The following SPMIP11 variants were observed in gnomAD, a reference collection of about 807,000 sequenced individuals.
SPMIP11 encodes the protein long intergenic non-protein coding RNA 935.
chr12:48,740,702 C>T, the SPMIP11 span, among the ~76,000 whole-genome samples: 4 of 150,712 alleles, frequency 2.7e-5, no homozygotes, highest in Non-Finnish European at 3.0e-5. Flanking sequence ...GCCTGGCCAA[C>T]GTGGTGAAAC....
the SPMIP11 span, among the ~76,000 whole-genome samples, chr12:48,752,757 C>G: frequency 6.6e-6 from 1 of 151,172 alleles, no homozygotes; most frequent in Non-Finnish European, 1.5e-5. Flanking sequence ...CTGCAACCTC[C>G]GCCTCCCGGG....
the SPMIP11 span, among the ~76,000 whole-genome samples, chr12:48,757,727 C>T: frequency 6.6e-6 from 1 of 151,228 alleles, no homozygotes; most frequent in East Asian, 1.9e-4. Context: ...GGTGCAGTGG[C>T]TCACGCCTGT....
the SPMIP11 span, among the ~76,000 whole-genome samples, chr12:48,769,665 C>T: frequency 3.3e-5 from 5 of 150,812 alleles, no homozygotes; most frequent in African/African-American, 4.9e-5. Context: ...CAGCTCACTG[C>T]AACCTCTGCC....
the SPMIP11 span, among the ~76,000 whole-genome samples, chr12:48,736,699 G>GTTT: frequency 2.1e-5 from 3 of 144,358 alleles, no homozygotes; most frequent in African/African-American, 5.0e-5. Context: ...TGGGTCGCAT[G>GTTT]TTTTTTTTTT....
At chr12:48,771,207 C>A in the SPMIP11 span, 2 of 571,668 alleles carry the variant, frequency 3.5e-6, no homozygotes, top group Non-Finnish European at 6.3e-6. This position sits in a 1 kb window ranked among gnomAD's most constrained non-coding sequence, Gnocchi z 4.3. Context: ...ACTCACAGAA[C>A]ACAGACCCAC....
At chr12:48,771,414 A>G in the SPMIP11 span, 1 of 541,606 alleles carries the variant, frequency 1.8e-6, no homozygotes, top group Admixed American at 3.1e-5. The surrounding 1 kb of genome is among the most constrained non-coding windows in gnomAD (Gnocchi z 4.3). Context: ...TTCTGTCCAC[A>G]GACTATTGCC....
chr12:48,736,590 T>C, the SPMIP11 span, among the ~76,000 whole-genome samples: 1 of 152,118 alleles, frequency 6.6e-6, no homozygotes, highest in South Asian at 2.1e-4. Flanking sequence ...AAACTGCCTA[T>C]CCTACTGTAG....
the SPMIP11 span, among the ~76,000 whole-genome samples, chr12:48,763,246 T>G: frequency 6.6e-6 from 1 of 152,194 alleles, no homozygotes; most frequent in Non-Finnish European, 1.5e-5. Flanking sequence ...CATGGCTCAC[T>G]GCAGCCTCAA....
the SPMIP11 span, chr12:48,764,701 G>A: frequency 4.0e-4 from 231 of 584,704 alleles, 1 homozygote; most frequent in Non-Finnish European, 6.6e-4. Flanking sequence ...AAGTGAAGCA[G>A]GGTGTGGTGA....
chr12:48,727,748 C>A, the SPMIP11 span, among the ~76,000 whole-genome samples: 1 of 152,114 alleles, frequency 6.6e-6, no homozygotes, highest in Non-Finnish European at 1.5e-5. Context: ...CATTTAATAT[C>A]CTTATTAAGA....
the SPMIP11 span, among the ~76,000 whole-genome samples, chr12:48,737,159 C>G: frequency 6.6e-6 from 1 of 151,958 alleles, no homozygotes; most frequent in African/African-American, 2.4e-5. Context: ...CCATGTTGCC[C>G]AGGCTGGTCT....
chr12:48,753,571 G>C, the SPMIP11 span, among the ~76,000 whole-genome samples: 1 of 151,400 alleles, frequency 6.6e-6, no homozygotes, highest in African/African-American at 2.4e-5. Flanking sequence ...CAATCTCCTA[G>C]TCTCCTTGCC....
the SPMIP11 span, chr12:48,769,072 G>A: frequency 1.2e-6 from 2 of 1,606,490 alleles, no homozygotes; most frequent in South Asian, 1.1e-5. Context: ...CTGAGGTGGA[G>A]AGAACAGCAA....
chr12:48,758,346 C>T, the SPMIP11 span, among the ~76,000 whole-genome samples: 1 of 152,348 alleles, frequency 6.6e-6, no homozygotes, highest in African/African-American at 2.4e-5. Context: ...GTGGACACTA[C>T]TGGCCCCAAG....
chr12:48,766,548 T>C, the SPMIP11 span: 1 of 152,718 alleles, frequency 6.5e-6, no homozygotes, highest in Non-Finnish European at 1.5e-5. Flanking sequence ...TATCCAGGGA[T>C]ATGGCTGGGG....
chr12:48,765,863 C>G, the SPMIP11 span: 2 of 555,474 alleles, frequency 3.6e-6, no homozygotes, highest in East Asian at 6.1e-5. Context: ...GTTGTGAGAG[C>G]TGCTGTGTGG....
At chr12:48,768,566 CAGCTGAAT>C in the SPMIP11 span, 51 of 1,614,026 alleles carry the variant, frequency 3.2e-5, no homozygotes, top group Non-Finnish European at 4.1e-5. Context: ...TTGGTCCCTT[CAGCTGAAT>C]TTGTGGCTGG....
chr12:48,761,244 C>T, the SPMIP11 span, among the ~76,000 whole-genome samples: 4 of 151,772 alleles, frequency 2.6e-5, no homozygotes, highest in Non-Finnish European at 2.9e-5. Flanking sequence ...GTCAGGAGTT[C>T]GAGACCAGCC....
chr12:48,731,014 C>G, the SPMIP11 span, among the ~76,000 whole-genome samples: 11 of 152,316 alleles, frequency 7.2e-5, no homozygotes, highest in Admixed American at 7.2e-4. Context: ...GCAATAGAGC[C>G]AGAATTTGAT....
Sources: gnomAD v4.1 joint callset for allele counts (sites outside exome capture counted in the v4.1 genomes callset) on GRCh38, gnomAD v4.1.1 for gene constraint, Gnocchi (gnomAD v3.1) non-coding constraint, MANE v1.5 for transcripts, NCBI Gene and HGNC (gene_info 2026-07-23, HGNC 2026-07-21) for gene names.